The following PCDHA7 variants were observed in gnomAD, a reference collection of about 807,000 sequenced individuals.
The protein encoded by PCDHA7 is protocadherin alpha 7.
PCDHA7 carries 37 observed loss-of-function variants against 57.2 expected under a neutral mutation model. That is an observed-to-expected ratio of 0.65 (90% CI 0.50 to 0.85). The LOEUF (loss-of-function observed/expected upper bound fraction) is 0.85, where lower values mean the gene tolerates loss of function less well. PCDHA7 is among the 40% of genes least tolerant of loss of function. The probability of loss-of-function intolerance (pLI) is 0.00; values close to 1 mark genes in which losing one functional copy is unlikely to be tolerated. For synonymous variants in PCDHA7, 553 were observed against 558.8 expected, an observed-to-expected ratio of 0.99 and a Z score of 0.15; for missense variants, 1,188 against 1,241.8, an observed-to-expected ratio of 0.96 and a Z score of 0.65.
intron 1 of PCDHA7, among the ~76,000 whole-genome samples, chr5:140,838,075 A>AGTGTGTGTG (rs781914509): frequency 7.8e-6 from 1 of 128,134 alleles, no homozygotes; most frequent in Admixed American, 8.1e-5. Flanking sequence ...TTATATATAT[A>AGTGTGTGTG]TAGTGTGTGT....
Position 140,841,591 on chromosome 5 carries a change from C to A in PCDHA7, c.2355+4853C>A, listed in dbSNP as rs2150318680. On this transcript the variant is annotated intron_variant, in intron 1 of 3. Coordinates refer to ENST00000525929, the MANE Select transcript of PCDHA7 (RefSeq NM_018910.3). ...GCATTTTGTTTGTGAATTCTCGGAT[C>A]GACCGCGAGGAGCTGTGCGGGCGGA... The A allele has an allele frequency of 3.1e-6, 5 of 1,614,046 alleles. No individual in the cohort carries two copies. In the South Asian group the frequency reaches 5.5e-5, roughly 18 times the overall value.
chr5:140,960,875 A>G (rs2095577090), intron 1 of PCDHA7, among the ~76,000 whole-genome samples: 1 of 152,220 alleles, frequency 6.6e-6, no homozygotes, highest in African/African-American at 2.4e-5. Context: ...TAGCTGAAAT[A>G]CACACTAATG....
At chr5:140,855,306 T>C (rs2043421281) in intron 1 of PCDHA7, among the ~76,000 whole-genome samples, 1 of 149,750 alleles carries the variant, frequency 6.7e-6, no homozygotes, top group Admixed American at 6.7e-5. Context: ...AGTTATAAAA[T>C]TGGAACATGA....
At chr5:140,896,148 G>A (rs1185038418) in intron 1 of PCDHA7, among the ~76,000 whole-genome samples, 1 of 152,162 alleles carries the variant, frequency 6.6e-6, no homozygotes, top group Non-Finnish European at 1.5e-5. Flanking sequence ...CACCATTGAT[G>A]GGCATTTAGG....
rs941007574 is a variant in PCDHA7 at position 141,010,090 on chromosome 5, C to G, written c.*153C>G. ...AAGTTCCCTGTGTCTGTCTAGAACG[C>G]ATTTAACAGGTTTTGTCGTAAAAGC... On this transcript the variant is annotated 3_prime_UTR_variant, in exon 4 of 4. Transcript: ENST00000525929. 1.5e-5 allele frequency: 24 copies of G among 1,612,636 alleles called. No homozygotes were observed. Among genetic ancestry groups the G allele is most frequent in the Non-Finnish European group, 2.0e-5 (24 of 1,179,276 alleles).
rs201572428 is a variant in PCDHA7, at chr5:140,982,529, T to A, written c.2469T>A (p.Asp823Glu). 220 of 1,614,200 alleles carry A rather than the reference T, an allele frequency of 1.4e-4. No homozygotes were observed. Among genetic ancestry groups the A allele is most frequent in the Non-Finnish European group, 1.7e-4 (202 of 1,180,036 alleles). Reference sequence around the variant, plus strand: ...TACGGGCTGGTCCAGGAGGGCCTGATCAGCAGTGGCCAACAGTATCCAGTG... The same window carrying A: ...TACGGGCTGGTCCAGGAGGGCCTGAACAGCAGTGGCCAACAGTATCCAGTG... ...GILRAGPGGP[D>E]QQWPTVSSAT... Residue 823 changes from aspartate (D) to glutamate (E), a missense_variant, in exon 3 of 4, where the codon GAT becomes GAA. This residue lies in a region of PCDHA7 where 892 missense variants were observed against 788.5 expected (regional missense o/e 1.13). Transcript: ENST00000525929.
At chr5:140,884,020 G>A (rs61734917) in intron 1 of PCDHA7, 5 of 1,613,174 alleles carry the variant, frequency 3.1e-6, no homozygotes, top group East Asian at 2.2e-5. Flanking sequence ...TGCCGCGGTC[G>A]GTGGGTGCAG....
At chr5:140,926,873 C>T in intron 1 of PCDHA7, 1 of 1,525,502 alleles carries the variant, frequency 6.6e-7, no homozygotes, top group Non-Finnish European at 8.8e-7. Context: ...GTTGGTGGAA[C>T]GTGGACGCCT....
At chr5:140,851,995 T>C in intron 1 of PCDHA7, 2 of 976,422 alleles carry the variant, frequency 2.0e-6, no homozygotes, top group South Asian at 4.8e-5. Context: ...GCTATTTGTT[T>C]GTTTTCTAAT....
At chr5:140,876,443 A>C in intron 1 of PCDHA7, 1 of 1,614,012 alleles carries the variant, frequency 6.2e-7, no homozygotes, top group Non-Finnish European at 8.5e-7. Context: ...AACGCCATTG[A>C]TAAAGGGATT....
At chr5:140,848,597 C>A (rs151001396) in intron 1 of PCDHA7, 1 of 1,580,556 alleles carries the variant, frequency 6.3e-7, no homozygotes, top group Non-Finnish European at 8.7e-7. Context: ...TCCACTACTC[C>A]GTCCCGGAGG....
At chr5:140,978,767 AC>A (rs1167493285) in intron 1 of PCDHA7, among the ~76,000 whole-genome samples, 181 bp from the exon 2 acceptor site, 4 of 152,342 alleles carry the variant, frequency 2.6e-5, no homozygotes, top group South Asian at 2.1e-4. Flanking sequence ...ACCCTGATGA[AC>A]TAATTTTCTT....
intron 1 of PCDHA7, chr5:140,870,948 C>A (rs868931274): frequency 1.2e-6 from 2 of 1,613,466 alleles, no homozygotes; most frequent in African/African-American, 1.3e-5. Context: ...CGGCGGCGGG[C>A]GGCTCGCGCA....
intron 1 of PCDHA7, among the ~76,000 whole-genome samples, chr5:140,971,092 G>A (rs1263264725): frequency 2.0e-5 from 3 of 152,168 alleles, no homozygotes; most frequent in Non-Finnish European, 4.4e-5. Flanking sequence ...ACAAATTCTT[G>A]TGAAGCCCTT....
intron 1 of PCDHA7, among the ~76,000 whole-genome samples, chr5:140,844,589 T>C (rs1779449903): frequency 1.3e-5 from 2 of 149,642 alleles, no homozygotes; most frequent in East Asian, 3.9e-4. Flanking sequence ...TAAAGTGATA[T>C]TTAATATATG....
At chr5:140,877,928 TTC>T in intron 1 of PCDHA7, 1 of 1,415,260 alleles carries the variant, frequency 7.1e-7, no homozygotes, top group Non-Finnish European at 9.3e-7. Context: ...TTCTTTATGA[TTC>T]TATCCTTTAA....
chr5:140,881,319 T>C lies in PCDHA7; in HGVS notation c.2355+44581T>C, dbSNP rs183772489. Reference sequence around the variant, plus strand: ...AAACTTTAACCTCCTGGTTAAATTCTATTTAACCAGGACGCCGATTCGGGC... The same window carrying C: ...AAACTTTAACCTCCTGGTTAAATTCCATTTAACCAGGACGCCGATTCGGGC... On this transcript the variant is annotated intron_variant, in intron 1 of 3. Transcript: ENST00000525929. 1.0e-4 allele frequency: 101 copies of C among 979,186 alleles called. No individual in the cohort carries two copies. The African/African-American group carries it at 1.7e-3, about 17-fold the overall frequency. 60.7% of individuals were successfully genotyped at this position (979,186 alleles called of 1,614,324 possible).
At position 140,869,969 on chromosome 5, in the gene PCDHA7, G is replaced by A. The variant is rs147407508; in HGVS notation, c.2355+33231G>A. 57 of 1,613,134 alleles carry A rather than the reference G, an allele frequency of 3.5e-5. No individual in the cohort carries two copies. In the African/African-American group the frequency reaches 7.1e-4, roughly 20 times the overall value. On this transcript the variant is annotated intron_variant, in intron 1 of 3. Coordinates refer to ENST00000525929, the MANE Select transcript of PCDHA7 (RefSeq NM_018910.3). Reference sequence around the variant, plus strand: ...TTAATGTCAATTAAGCCCAATGGAAGACACTTATTTACACTAGATCAAAAT... The same window carrying A: ...TTAATGTCAATTAAGCCCAATGGAAAACACTTATTTACACTAGATCAAAAT...
intron 1 of PCDHA7, among the ~76,000 whole-genome samples, chr5:140,925,786 T>C (rs2082719026): frequency 1.3e-5 from 2 of 152,144 alleles, no homozygotes; most frequent in African/African-American, 4.8e-5. Context: ...CTAATGAGTA[T>C]CTCAGTACTT....
Sources: allele counts gnomAD v4.1 joint callset (sites outside exome capture counted in the v4.1 genomes callset), GRCh38; gene constraint gnomAD v4.1.1; regional missense constraint gnomAD v4.1.1; transcripts MANE v1.5; gene names NCBI Gene and HGNC (gene_info 2026-07-23, HGNC 2026-07-21).